The following MMS22L variants were observed in gnomAD, a reference collection of about 807,000 sequenced individuals.
The protein encoded by MMS22L is protein MMS22-like.
In MMS22L, 74 loss-of-function variants were observed where a neutral mutation model predicts 159.1. The observed-to-expected ratio is 0.47, with a 90% CI of 0.39 to 0.56. The LOEUF (loss-of-function observed/expected upper bound fraction) is 0.56. Ranked by LOEUF, MMS22L falls within the 20% of genes least tolerant of loss-of-function variation. The pLI is 0.00. For missense variants in MMS22L, 1,351 were observed against 1,422.1 expected (o/e 0.95, Z 0.80); for synonymous variants, 517 against 506.9 (o/e 1.02, Z -0.27).
intron 14 of MMS22L, among the ~76,000 whole-genome samples, chr6:97,212,143 G>A (rs994935139): frequency 3.3e-5 from 5 of 152,020 alleles, no homozygotes; most frequent in Non-Finnish European, 7.4e-5. Context: ...CTACACTGTG[G>A]GGCACTTAAG....
At position 97,272,400 on chromosome 6, in the gene MMS22L, GT is replaced by G. The variant is rs1815837610; in HGVS notation, c.606+303del. 6 of 224,502 alleles carry G rather than the reference GT, an allele frequency of 2.7e-5. No individual in the cohort carries two copies. In the East Asian group the frequency reaches 5.9e-4, roughly 22 times the overall value. The allele number at this position is 224,502 out of a possible 1,614,324, so 13.9% of individuals were successfully genotyped here. A position where few individuals can be genotyped will look rare whatever the true frequency, so the allele number is the denominator to read the frequency against. ...TTTAAAATTTTCAGACACTTATACT[GT>G]CATAAATCAAGAGAATAGCTACTGA... On this transcript the variant is annotated intron_variant, in intron 6 of 24. Coordinates refer to ENST00000683635, the MANE Select transcript of MMS22L (RefSeq NM_001350599.2).
In MMS22L at chr6:97,282,533, A is replaced by G; in HGVS notation, c.-56T>C. On this transcript the variant is annotated 5_prime_UTR_variant, in exon 2 of 25. Transcript: ENST00000683635. ...TTCGTCGTATCATTAAGGGCTCCAA[A>G]GAGAAGGTGTGAAGAGATTCCTGTT... 1.6e-6 allele frequency: 1 copy of G among 611,490 alleles called. No individual in the cohort carries two copies. The allele number at this position is 611,490 out of a possible 1,614,324, so 37.9% of individuals were successfully genotyped here. A position where few individuals can be genotyped will look rare whatever the true frequency, so the allele number is the denominator to read the frequency against.
chr6:97,157,006 G>T (rs564649838), intron 22 of MMS22L, among the ~76,000 whole-genome samples: 1 of 152,086 alleles, frequency 6.6e-6, no homozygotes, highest in Admixed American at 6.6e-5. Context: ...GTTGAGCAGT[G>T]GTTTGTAGTT....
chr6:97,234,526 T>A (rs190926634), intron 11 of MMS22L, among the ~76,000 whole-genome samples: 1 of 152,308 alleles, frequency 6.6e-6, no homozygotes. Flanking sequence ...ATGCATATAT[T>A]TTTTAAATAA....
intron 14 of MMS22L, among the ~76,000 whole-genome samples, chr6:97,225,384 T>A (rs971905224): frequency 7.2e-5 from 11 of 152,084 alleles, no homozygotes; most frequent in Non-Finnish European, 1.5e-4. Flanking sequence ...TTTTTTTTTT[T>A]CTTTTTGAGA....
At chr6:97,157,913 A>T (rs1052528445) in intron 22 of MMS22L, among the ~76,000 whole-genome samples, 1 of 151,942 alleles carries the variant, frequency 6.6e-6, no homozygotes, top group Non-Finnish European at 1.5e-5. Context: ...CCTCCTTGTA[A>T]CTCTGGTAGA....
Position 97,281,329 on chromosome 6 carries a change from A to G in MMS22L, c.198T>C (p.Asn66=). The part of the protein sequence containing the change: ...LILNLDPLPT[N]FEEDTLEIFG... ...ATATTTCCAAGGTATCTTCTTCAAA[A>G]TTAGTTGGTAAAGGGTCAAGATTCA... The change falls in exon 3 of 25, where the codon AAT becomes AAC. Residue 66 remains asparagine (N), a synonymous_variant. Coordinates refer to ENST00000683635, the MANE Select transcript of MMS22L (RefSeq NM_001350599.2). 1.2e-6 allele frequency: 2 copies of G among 1,608,512 alleles called. No individual in the cohort carries two copies. Among genetic ancestry groups the G allele is most frequent in the Non-Finnish European group, 1.7e-6 (2 of 1,177,842 alleles).
intron 19 of MMS22L, 53 bp downstream of exon 19, chr6:97,173,010 A>G: frequency 6.4e-7 from 1 of 1,567,392 alleles, no homozygotes; most frequent in African/African-American, 1.4e-5. Context: ...TCATGATAGT[A>G]TAGGCTCAAC....
At chr6:97,241,652 T>C (rs1812089085) in intron 11 of MMS22L, among the ~76,000 whole-genome samples, 2 of 152,174 alleles carry the variant, frequency 1.3e-5, no homozygotes, top group East Asian at 3.9e-4. Context: ...GGGATTTGGG[T>C]TTGGTTTATT....
At chr6:97,235,471 A>T (rs754701379) in intron 11 of MMS22L, among the ~76,000 whole-genome samples, 6 of 152,164 alleles carry the variant, frequency 3.9e-5, no homozygotes, top group Non-Finnish European at 7.4e-5. Flanking sequence ...ATATTATAAC[A>T]TTTTCATATG....
At chr6:97,272,396 T>C (rs780095586) in intron 6 of MMS22L, 5 of 210,674 alleles carry the variant, frequency 2.4e-5, no homozygotes, top group East Asian at 2.1e-4. Flanking sequence ...CAGACACTTA[T>C]ACTGTCATAA....
intron 10 of MMS22L, among the ~76,000 whole-genome samples, chr6:97,252,142 T>C (rs1249119515): frequency 1.3e-5 from 2 of 150,880 alleles, no homozygotes; most frequent in Admixed American, 1.3e-4. Context: ...GGTGGTTATA[T>C]CACTGCAATT....
At chr6:97,223,529 G>A (rs760245206) in intron 14 of MMS22L, among the ~76,000 whole-genome samples, 14 of 152,106 alleles carry the variant, frequency 9.2e-5, no homozygotes, top group Non-Finnish European at 1.6e-4. Context: ...AGTATTAACA[G>A]TATATGGCAT....
rs182824394 is a variant in MMS22L, at chr6:97,154,988, A to G, written c.3386-3121T>C. 5.3e-5 allele frequency among the ~76,000 whole-genome samples: 8 copies of G among 152,286 alleles called. No individual in the cohort carries two copies. The East Asian group carries it at 1.5e-3, about 29-fold the overall frequency. On this transcript the variant is annotated intron_variant, in intron 22 of 24. Coordinates refer to ENST00000683635, the MANE Select transcript of MMS22L (RefSeq NM_001350599.2). ...TAGTAATTCATATGGAGCTATTAGTATAGTCACTTAAGCTTTCTGTGGTTG... is the reference window on the plus strand; with the variant it reads ...TAGTAATTCATATGGAGCTATTAGTGTAGTCACTTAAGCTTTCTGTGGTTG...
chr6:97,178,768 G>C (rs1280242807), intron 17 of MMS22L, among the ~76,000 whole-genome samples, 183 bp from the exon 18 acceptor site: 1 of 151,808 alleles, frequency 6.6e-6, no homozygotes, highest in Non-Finnish European at 1.5e-5. Flanking sequence ...TCTCACTTAT[G>C]AACATCCTTG....
At chr6:97,185,853 A>G (rs1244343727) in intron 15 of MMS22L, among the ~76,000 whole-genome samples, 1 of 152,090 alleles carries the variant, frequency 6.6e-6, no homozygotes, top group Non-Finnish European at 1.5e-5. Context: ...CTATTCCAAT[A>G]CTTCTTAACA....
intron 14 of MMS22L, among the ~76,000 whole-genome samples, chr6:97,227,134 A>T (rs1360509425): frequency 1.3e-5 from 2 of 152,152 alleles, no homozygotes; most frequent in East Asian, 3.8e-4. Context: ...TTTTTAATTA[A>T]CACATTAAAT....
chr6:97,251,595 A>AT (rs1360216210), intron 10 of MMS22L, among the ~76,000 whole-genome samples: 2 of 152,222 alleles, frequency 1.3e-5, no homozygotes, highest in Admixed American at 6.5e-5. Flanking sequence ...TTTTCTATTA[A>AT]TTATCACAGC....
At chr6:97,189,983 A>C (rs1482791042) in intron 14 of MMS22L, among the ~76,000 whole-genome samples, 1 of 152,210 alleles carries the variant, frequency 6.6e-6, no homozygotes, top group Non-Finnish European at 1.5e-5. Context: ...GGAAGAACCA[A>C]ATTTTTGCAC....
Sources: gnomAD v4.1 joint callset for allele counts (sites outside exome capture counted in the v4.1 genomes callset) on GRCh38, gnomAD v4.1.1 for gene constraint, MANE v1.5 for transcripts, NCBI Gene and HGNC (gene_info 2026-07-23, HGNC 2026-07-21) for gene names.